MUC17: variants seen among roughly 807,000 people sequenced by gnomAD.
MUC17 encodes the protein mucin-17.
Under a neutral mutation model 170.3 loss-of-function variants are expected in MUC17, and 190 were observed. The observed-to-expected ratio is 1.12, with a 90% CI of 0.99 to 1.26. The LOEUF (loss-of-function observed/expected upper bound fraction) is 1.26, where lower values mean the gene tolerates loss of function less well. Ranked by LOEUF, MUC17 falls within the 50% of genes most tolerant of loss-of-function variation. The pLI, the probability that MUC17 is intolerant of heterozygous loss-of-function variation, is 0.00. For synonymous variants in MUC17, 2,325 were observed against 2,002.5 expected, an observed-to-expected ratio of 1.16 and a Z score of -4.30; for missense variants, 6,415 against 5,530.0, an observed-to-expected ratio of 1.16 and a Z score of -5.08.
At chr7:101,030,427 G>C (rs962055842) in intron 1 of MUC17, among the ~76,000 whole-genome samples, 3 of 151,958 alleles carry the variant, frequency 2.0e-5, no homozygotes, top group African/African-American at 7.3e-5. Flanking sequence ...GTTTTGCCAT[G>C]TTGGCCAGGC....
intron 1 of MUC17, among the ~76,000 whole-genome samples, chr7:101,022,977 C>T (rs1794121497): frequency 6.6e-6 from 1 of 152,168 alleles, no homozygotes; most frequent in Non-Finnish European, 1.5e-5. Flanking sequence ...ATCTCCGTGC[C>T]TTACAATAAC....
At position 101,035,418 on chromosome 7, in the gene MUC17, A is replaced by G. The variant is rs1794438376; in HGVS notation, c.4002A>G (p.Glu1334=). 1 of 1,606,752 alleles carries G rather than the reference A, an allele frequency of 6.2e-7. No homozygotes were observed. Among genetic ancestry groups the G allele is most frequent in the African/African-American group, 1.3e-5 (1 of 74,364 alleles). ...GTSMPTSTYS[E]GRTPLTSIPV... is the part of the protein sequence containing the mutation. ...GCATGCCAACCTCAACTTATAGTGA[A>G]GGAAGAACTCCTTTAACAAGTATAC... The change falls in exon 3 of 13, where the codon GAA becomes GAG. Residue 1334 remains glutamate, a synonymous_variant. Coordinates refer to ENST00000306151, the MANE Select transcript of MUC17 (RefSeq NM_001040105.2).
At position 101,032,564 on chromosome 7, in the gene MUC17, T is replaced by A. The variant is rs1035472931; in HGVS notation, c.1148T>A (p.Met383Lys). Residue 383 changes from methionine to lysine, a missense_variant, in exon 3 of 13, where the codon ATG becomes AAG. Coordinates refer to ENST00000306151, the MANE Select transcript of MUC17 (RefSeq NM_001040105.2). The stretch of plus-strand genomic sequence containing the variant: ...CCTACAACTGCTGAAGCTACCAGCA[T>A]GCTAACCTCAACTCTTAGTGAAGGA... The part of the protein sequence containing the change: ...SLPTTAEATS[M>K]LTSTLSEGST... 1 of 1,614,126 alleles carries A rather than the reference T, an allele frequency of 6.2e-7. No homozygotes were observed.
chr7:101,052,358 T>A (rs1794963673), intron 9 of MUC17, among the ~76,000 whole-genome samples: 1 of 152,142 alleles, frequency 6.6e-6, no homozygotes, highest in Non-Finnish European at 1.5e-5. Context: ...TCTAGCCCAG[T>A]CACAGAGGTA....
In MUC17 at chr7:101,038,350, A is replaced by T. The variant is rs753114888; in HGVS notation, c.6934A>T (p.Thr2312Ser). 6.2e-7 allele frequency: 1 copy of T among 1,613,450 alleles called. No individual in the cohort carries two copies. Among genetic ancestry groups the T allele is most frequent in the Non-Finnish European group, 8.5e-7 (1 of 1,179,902 alleles). The change falls in exon 3 of 13, where the codon ACT becomes TCT. Residue 2312 changes from threonine (T) to serine (S), a missense_variant. Physicochemically the swap from Thr to Ser is moderately conservative, Grantham distance 58. Coordinates refer to ENST00000306151, the MANE Select transcript of MUC17 (RefSeq NM_001040105.2). ...TGTTGACTCCAACACTCCTTTCACT[A>T]CTTCTACTGAAGCCAGTTCACCTCC... ...TPVDSNTPFTTSTEASSPPPT... is the reference protein window; with the variant it reads ...TPVDSNTPFTSSTEASSPPPT...
At position 101,037,658 on chromosome 7, in the gene MUC17, C is replaced by A. The variant is rs36120435; in HGVS notation, c.6242C>A (p.Ala2081Asp). 0.11 allele frequency: 178,562 copies of A among 1,613,636 alleles called. 10,961 individuals carry two copies. The highest frequency in any genetic ancestry group is 0.19 in the African/African-American group (13,913 of 74,898). ...SKTQVTNSTEASSSATAEGSS... is the reference protein window; with the variant it reads ...SKTQVTNSTEDSSSATAEGSS... ...ACTCAGGTGACCAATTCTACTGAAG[C>A]CAGTTCATCTGCAACCGCTGAAGGT... is the stretch of plus-strand genomic sequence containing the variant. Residue 2081 changes from alanine (A) to aspartate (D), a missense_variant, in exon 3 of 13, where the codon GCC becomes GAC. Physicochemically the swap from Ala to Asp is moderately radical, Grantham distance 126. Transcript: ENST00000306151.
Position 101,033,143 on chromosome 7 carries a change from C to T in MUC17, c.1727C>T (p.Pro576Leu). 1 of 1,612,082 alleles carries T rather than the reference C, an allele frequency of 6.2e-7. No individual in the cohort carries two copies. Among genetic ancestry groups the T allele is most frequent in the Non-Finnish European group, 8.5e-7 (1 of 1,178,728 alleles). ...SEGSTPLTNM[P>L]VSTRLVVSSE... is the part of the protein sequence containing the mutation. ...GGAAGCACTCCATTAACAAACATGC[C>T]TGTCAGCACCAGGCTGGTGGTCAGT... Residue 576 changes from proline to leucine, a missense_variant, in exon 3 of 13, where the codon CCT (proline) becomes CTT (leucine). Coordinates refer to ENST00000306151, the MANE Select transcript of MUC17 (RefSeq NM_001040105.2).
Position 101,043,097 on chromosome 7 carries a change from T to C in MUC17, c.11681T>C (p.Ile3894Thr). 1 of 1,614,206 alleles carries C rather than the reference T, an allele frequency of 6.2e-7. No individual in the cohort carries two copies. Among genetic ancestry groups the C allele is most frequent in the Non-Finnish European group, 8.5e-7 (1 of 1,180,036 alleles). Residue 3894 changes from isoleucine to threonine, a missense_variant, in exon 3 of 13, where the codon ATA becomes ACA. Ile to Thr is a moderately conservative substitution (Grantham distance 89, BLOSUM62 -1). Transcript: ENST00000306151. ...CCAACTAGCTTTCCTGGGGCCAGCA[T>C]AGCTTCGACACCTCCTCTTGACACA... The part of the protein sequence containing the change: ...TLPTSFPGAS[I>T]ASTPPLDTST...
At chr7:101,047,235 T>C (rs1295058364) in intron 3 of MUC17, among the ~76,000 whole-genome samples, 1 of 152,154 alleles carries the variant, frequency 6.6e-6, no homozygotes, top group Non-Finnish European at 1.5e-5. Flanking sequence ...AAAGCGGGTG[T>C]TGAGGAACAA....
In MUC17 at chr7:101,053,330, C is replaced by T; in HGVS notation, c.13266-9C>T. 1 of 1,613,034 alleles carries T rather than the reference C, an allele frequency of 6.2e-7. No homozygotes were observed. Among genetic ancestry groups the T allele is most frequent in the African/African-American group, 1.3e-5 (1 of 74,990 alleles). On this transcript the variant is annotated splice_polypyrimidine_tract_variant and intron_variant, in intron 10 of 12. Transcript: ENST00000306151. ...CCTAATGGGGTCTCTCTGATGTTTC[C>T]ATCACTAGGCAAAAGTACAGATTGT...
chr7:101,024,738 C>CTTTTTTTTTT (rs35811119), intron 1 of MUC17, among the ~76,000 whole-genome samples: 4 of 125,462 alleles, frequency 3.2e-5, no homozygotes, highest in South Asian at 2.8e-4. Context: ...CTGTCTCCTC[C>CTTTTTTTTTT]TTTTTTTTTT....
chr7:101,056,116 C>T (rs1170683147), intron 11 of MUC17, 78 bp from the exon 12 acceptor site: 10 of 1,596,232 alleles, frequency 6.3e-6, no homozygotes, highest in Middle Eastern at 3.3e-4. Context: ...CATCCTCCAT[C>T]AGATGGGATT....
rs1474282508 is a variant in MUC17 at position 101,038,290 on chromosome 7, G to A, written c.6874G>A (p.Ala2292Thr). Reference sequence around the variant, plus strand: ...TATACCTGTCAGCCACACGCTGGTGGCCAATTCTGAGGTTAGCACCCTTTC... The same window carrying A: ...TATACCTGTCAGCCACACGCTGGTGACCAATTCTGAGGTTAGCACCCTTTC... ...TSIPVSHTLV[A>T]NSEVSTLSTT... Residue 2292 changes from alanine (A) to threonine (T), a missense_variant, in exon 3 of 13, where the codon GCC becomes ACC. Physicochemically the swap from Ala to Thr is moderately conservative, Grantham distance 58. Transcript: ENST00000306151. The A allele has an allele frequency of 6.8e-6, 11 of 1,613,582 alleles. No homozygotes were observed. The African/African-American group carries it at 1.3e-4, about 20-fold the overall frequency.
chr7:101,023,232 C>T (rs1276375984), intron 1 of MUC17, among the ~76,000 whole-genome samples: 1 of 152,062 alleles, frequency 6.6e-6, no homozygotes, highest in East Asian at 1.9e-4. Context: ...CTCAGTTTAA[C>T]TCGATCCCCT....
intron 11 of MUC17, among the ~76,000 whole-genome samples, chr7:101,054,583 C>T (rs1230924298): frequency 2.0e-5 from 3 of 152,052 alleles, no homozygotes; most frequent in African/African-American, 7.2e-5. Context: ...AGTCCCAATG[C>T]TTTGGGAGGC....
Position 101,033,696 on chromosome 7 carries a change from C to T in MUC17, c.2280C>T (p.Thr760=), listed in dbSNP as rs142958822. 65 of 1,613,408 alleles carry T rather than the reference C, an allele frequency of 4.0e-5. No individual in the cohort carries two copies. The highest frequency in any genetic ancestry group is 5.1e-5 in the Non-Finnish European group (60 of 1,179,602). Residue 760 remains threonine, a synonymous_variant, in exon 3 of 13, where the codon ACC becomes ACT. Transcript: ENST00000306151. ...TSMPVSKTLL[T]SSEASTLSTT... ...TGCCTGTCAGCAAAACGCTGTTGAC[C>T]AGTTCTGAGGCTAGCACCCTTTCAA... is the stretch of plus-strand genomic sequence containing the variant.
At chr7:101,024,558 G>A (rs1440525246) in intron 1 of MUC17, among the ~76,000 whole-genome samples, 4 of 152,146 alleles carry the variant, frequency 2.6e-5, no homozygotes, top group Non-Finnish European at 4.4e-5. Flanking sequence ...TGGGGAGGTA[G>A]TTGCCTGGTC....
chr7:101,048,844 G>A lies in MUC17; in HGVS notation c.12536-1G>A. 6.2e-7 allele frequency: 1 copy of A among 1,614,030 alleles called. No individual in the cohort carries two copies. The highest frequency in any genetic ancestry group is 8.5e-7 in the Non-Finnish European group (1 of 1,179,942). ...TTGCTCAGTAAGTCTACCCGCCTCA[G>A]GGCCACCGGAGACTATCTCTGCCCA... is the stretch of plus-strand genomic sequence containing the variant. On this transcript the variant is annotated splice_acceptor_variant, in intron 4 of 12. Transcript: ENST00000306151. LOFTEE classifies it high-confidence loss of function.
chr7:101,042,988 C>T lies in MUC17; in HGVS notation c.11572C>T (p.Pro3858Ser). Residue 3858 changes from proline to serine, a missense_variant, in exon 3 of 13, where the codon CCT becomes TCT. By Grantham distance (74) the Pro-to-Ser change is moderately conservative (BLOSUM62 -1). Transcript: ENST00000306151. ...TSTKAGSFSI[P>S]AEVTTIRISI... is the part of the protein sequence containing the mutation. ...TACCAAAGCCGGTTCATTCTCCATA[C>T]CTGCTGAAGTCACTACCATACGTAT... The T allele has an allele frequency of 6.2e-7, 1 of 1,614,144 alleles. No individual in the cohort carries two copies. Among genetic ancestry groups the T allele is most frequent in the Non-Finnish European group, 8.5e-7 (1 of 1,180,032 alleles).
Sources: allele counts gnomAD v4.1 joint callset (sites outside exome capture counted in the v4.1 genomes callset), GRCh38; gene constraint gnomAD v4.1.1; transcripts MANE v1.5; gene names NCBI Gene and HGNC (gene_info 2026-07-23, HGNC 2026-07-21).